FNDC3B: variants seen among roughly 807,000 people sequenced by gnomAD.
FNDC3B encodes the protein fibronectin type III domain-containing protein 3B.
Under a neutral mutation model 151.5 loss-of-function variants are expected in FNDC3B, and 12 were observed. The ratio of observed to expected loss-of-function variants is 0.08; its 90% CI spans 0.05 to 0.13. The LOEUF (loss-of-function observed/expected upper bound fraction) is 0.13, where lower values mean the gene tolerates loss of function less well. Ranked by LOEUF, FNDC3B falls within the 10% of genes least tolerant of loss-of-function variation. The pLI is 1.00. For missense variants in FNDC3B, 1,214 were observed against 1,505.3 expected, an observed-to-expected ratio of 0.81 and a Z score of 3.20; for synonymous variants, 528 against 549.0, an observed-to-expected ratio of 0.96 and a Z score of 0.54.
At chr3:172,159,946 C>G (rs1292468859) in intron 3 of FNDC3B, among the ~76,000 whole-genome samples, 2 of 152,180 alleles carry the variant, frequency 1.3e-5, no homozygotes, top group Non-Finnish European at 2.9e-5. Context: ...TCACATTTTA[C>G]AGGTAGGAAA....
At chr3:172,070,829 T>C (rs1717740488) in intron 1 of FNDC3B, among the ~76,000 whole-genome samples, 1 of 152,236 alleles carries the variant, frequency 6.6e-6, no homozygotes. Context: ...TGCTGTAATA[T>C]TCTGAAGCAA....
At chr3:172,200,163 T>A (rs1725071870) in intron 3 of FNDC3B, among the ~76,000 whole-genome samples, 1 of 152,082 alleles carries the variant, frequency 6.6e-6, no homozygotes, top group Non-Finnish European at 1.5e-5. Context: ...ATACCCACAC[T>A]CACTTAGACT....
At chr3:172,233,410 A>G (rs544539088) in intron 4 of FNDC3B, among the ~76,000 whole-genome samples, 2 of 152,350 alleles carry the variant, frequency 1.3e-5, no homozygotes, top group South Asian at 4.1e-4. Context: ...TGTTGAAATT[A>G]TATATATTTC....
At chr3:172,283,504 T>G (rs1441174037) in intron 6 of FNDC3B, among the ~76,000 whole-genome samples, 1 of 152,230 alleles carries the variant, frequency 6.6e-6, no homozygotes, top group East Asian at 1.9e-4. Context: ...TTCTAAACTT[T>G]TATTACTCCA....
At chr3:172,252,664 G>A (rs7632729) in intron 6 of FNDC3B, among the ~76,000 whole-genome samples, 135,019 of 151,948 alleles carry the variant, frequency 0.89, 60,325 homozygotes, top group African/African-American at 0.96. Flanking sequence ...AAATATCGCC[G>A]TCGGCATTTC....
At chr3:172,048,078 C>T (rs1716449369) in intron 1 of FNDC3B, among the ~76,000 whole-genome samples, 1 of 152,050 alleles carries the variant, frequency 6.6e-6, no homozygotes, top group African/African-American at 2.4e-5. Context: ...TATGAACTTG[C>T]CAGTAATAAG....
intron 9 of FNDC3B, among the ~76,000 whole-genome samples, chr3:172,299,013 A>G (rs1219373010): frequency 6.6e-6 from 1 of 152,218 alleles, no homozygotes; most frequent in Non-Finnish European, 1.5e-5. Flanking sequence ...ATCATTTTAA[A>G]CATTTTAAAA....
chr3:172,375,921 G>C (rs1229968657), intron 23 of FNDC3B, among the ~76,000 whole-genome samples: 1 of 152,096 alleles, frequency 6.6e-6, no homozygotes, highest in African/African-American at 2.4e-5. Flanking sequence ...TGAAAATAAG[G>C]TGATTGAACT....
In FNDC3B at chr3:172,362,361, G is replaced by A. The variant is rs1215096845; in HGVS notation, c.2796-272G>A. The stretch of plus-strand genomic sequence containing the variant: ...AGCGTATCTTTAAGATATCTTCCCT[G>A]AGACAACAAACCTATTTTTTTTAAA... On this transcript the variant is annotated intron_variant, in intron 22 of 25. Transcript: ENST00000415807. 2.1e-5 allele frequency among the ~76,000 whole-genome samples: 3 copies of A among 141,940 alleles called. No homozygotes were observed. In the East Asian group the frequency reaches 6.0e-4, roughly 28 times the overall value. The allele number at this position is 141,940 out of a possible 152,430, so 93.1% of individuals were successfully genotyped here.
At chr3:172,167,896 A>C (rs1723085713) in intron 3 of FNDC3B, among the ~76,000 whole-genome samples, 1 of 152,230 alleles carries the variant, frequency 6.6e-6, no homozygotes, top group Non-Finnish European at 1.5e-5. Context: ...CCACCGCATC[A>C]CATCCATGGG....
chr3:172,380,481 G>A lies in FNDC3B; in HGVS notation c.3176-485G>A, dbSNP rs549567184. ...TTTCCTTAGACCCTCACCCAGGTAT[G>A]CTCTTTTCCTCCTCTGGAAATTCCC... is the stretch of plus-strand genomic sequence containing the variant. On this transcript the variant is annotated intron_variant, in intron 24 of 25. Coordinates refer to ENST00000415807, the MANE Select transcript of FNDC3B (RefSeq NM_022763.4). Among the ~76,000 whole-genome samples, 16 of 152,240 alleles carry A rather than the reference G, an allele frequency of 1.1e-4. No homozygotes were observed. The South Asian group carries it at 3.1e-3, about 30-fold the overall frequency.
intron 3 of FNDC3B, among the ~76,000 whole-genome samples, chr3:172,152,714 T>TTCTTC (rs1722295583): frequency 6.6e-6 from 1 of 151,816 alleles, no homozygotes; most frequent in Non-Finnish European, 1.5e-5. Context: ...AAAATCACAC[T>TTCTTC]TCTTCTTTTC....
At chr3:172,341,757 C>T (rs1283795271) in intron 17 of FNDC3B, among the ~76,000 whole-genome samples, 2 of 152,168 alleles carry the variant, frequency 1.3e-5, no homozygotes, top group Non-Finnish European at 2.9e-5. Context: ...TGGTACCCAA[C>T]GTACACATCT....
intron 24 of FNDC3B, among the ~76,000 whole-genome samples, chr3:172,380,572 G>A (rs2108371848): frequency 6.6e-6 from 1 of 152,106 alleles, no homozygotes; most frequent in East Asian, 1.9e-4. Flanking sequence ...CTCATACCTT[G>A]CTCTCCCCTT....
intron 21 of FNDC3B, among the ~76,000 whole-genome samples, chr3:172,351,994 G>A (rs904978574): frequency 2.0e-5 from 3 of 152,192 alleles, no homozygotes; most frequent in Non-Finnish European, 4.4e-5. Context: ...AAATTGGGGA[G>A]TAGGTTATCA....
At chr3:172,182,515 T>A (rs969357416) in intron 3 of FNDC3B, among the ~76,000 whole-genome samples, 3 of 152,090 alleles carry the variant, frequency 2.0e-5, no homozygotes, top group Non-Finnish European at 4.4e-5. Flanking sequence ...AGGGCAGTGG[T>A]GTTGTGGTAG....
At chr3:172,097,930 T>C (rs544289449) in intron 1 of FNDC3B, among the ~76,000 whole-genome samples, 27 of 152,296 alleles carry the variant, frequency 1.8e-4, no homozygotes, top group African/African-American at 6.5e-4. Flanking sequence ...CCCAAATTGA[T>C]AGATTAGTAG....
intron 2 of FNDC3B, among the ~76,000 whole-genome samples, chr3:172,125,568 CG>C (rs1224411784): frequency 6.6e-6 from 1 of 152,120 alleles, no homozygotes; most frequent in African/African-American, 2.4e-5. Context: ...TCCCAAACCC[CG>C]TCCTTCATTT....
intron 1 of FNDC3B, among the ~76,000 whole-genome samples, chr3:172,061,556 T>C (rs1717201281): frequency 3.3e-5 from 5 of 152,194 alleles, no homozygotes; most frequent in African/African-American, 1.2e-4. Flanking sequence ...AAATTGAAGT[T>C]ATGGGTGTTA....
Sources: allele counts gnomAD v4.1 joint callset (sites outside exome capture counted in the v4.1 genomes callset), GRCh38; gene constraint gnomAD v4.1.1; transcripts MANE v1.5; gene names NCBI Gene and HGNC (gene_info 2026-07-23, HGNC 2026-07-21).